Variants in STRN observed in about 807,000 individuals in gnomAD.
STRN encodes protein phosphatase 2 regulatory subunit B'''alpha.
In STRN, 53 loss-of-function variants were observed where a neutral mutation model predicts 96.3. The observed-to-expected ratio is 0.55, with a 90% confidence interval of 0.44 to 0.69. The LOEUF is 0.69. Among genes scored for constraint, STRN ranks in the 30% least tolerant of loss-of-function variants. The pLI is 0.00. For synonymous variants in STRN, 428 were observed against 355.9 expected (o/e 1.20, Z -2.28); for missense variants, 987 against 963.9 (o/e 1.02, Z -0.32).
At chr2:36,882,584 T>C (rs547732053) in intron 9 of STRN, among the ~76,000 whole-genome samples, 1 of 152,218 alleles carries the variant, frequency 6.6e-6, no homozygotes, top group East Asian at 1.9e-4. Context: ...CTGAACAACA[T>C]GGCAAAACCA....
chr2:36,877,986 T>C lies in STRN; in HGVS notation c.1228A>G (p.Ile410Val), dbSNP rs779456251. ...TCAAGGGCTTCATCTGCTCCCATGA[T>C]GAATGACTTTCCAGAAGAAGGAGGA... ...TFPPSSGKSF[I>V]MGADEALESE... Residue 410 changes from isoleucine (I) to valine (V), a missense_variant, in exon 10 of 18, where the codon ATC (isoleucine) becomes GTC (valine). By Grantham distance (29) the Ile-to-Val change is conservative. Coordinates refer to ENST00000263918, the MANE Select transcript of STRN (RefSeq NM_003162.4). 8.7e-6 allele frequency: 14 copies of C among 1,614,178 alleles called. No homozygotes were observed. The highest frequency in any genetic ancestry group is 4.5e-5 in the East Asian group (2 of 44,884).
At chr2:36,906,538 C>A (rs74418592) in intron 3 of STRN, among the ~76,000 whole-genome samples, 7,355 of 151,926 alleles carry the variant, frequency 0.048, 538 homozygotes, top group African/African-American at 0.16. Flanking sequence ...GAACAAAATA[C>A]TGAGGAATGA....
chr2:36,895,558 A>C (rs1334328542), intron 6 of STRN, among the ~76,000 whole-genome samples: 2 of 152,056 alleles, frequency 1.3e-5, no homozygotes, highest in East Asian at 3.9e-4. Flanking sequence ...TCTTTTATAA[A>C]TACAAACCAT....
intron 7 of STRN, 44 bp from the exon 8 acceptor site, chr2:36,886,870 A>G: frequency 6.6e-7 from 1 of 1,505,514 alleles, no homozygotes; most frequent in Non-Finnish European, 9.2e-7. Context: ...TCAATAAAAT[A>G]TTGAACACTC....
At chr2:36,879,037 G>A (rs941727455) in intron 9 of STRN, among the ~76,000 whole-genome samples, 7 of 151,716 alleles carry the variant, frequency 4.6e-5, no homozygotes, top group African/African-American at 1.5e-4. Flanking sequence ...ACAGGCATGA[G>A]CCACTGCACC....
intron 4 of STRN, among the ~76,000 whole-genome samples, chr2:36,905,161 G>A (rs1013639663): frequency 1.3e-5 from 2 of 152,036 alleles, no homozygotes; most frequent in African/African-American, 4.8e-5. Context: ...TAGAGATGGA[G>A]TTTCACCATG....
chr2:36,873,393 C>T (rs927902000), intron 10 of STRN, among the ~76,000 whole-genome samples: 2 of 152,080 alleles, frequency 1.3e-5, no homozygotes, highest in African/African-American at 4.8e-5. Context: ...TCCAATTCAA[C>T]TTTAAAATAA....
chr2:36,847,766 G>C lies in STRN; in HGVS notation c.*1690C>G, dbSNP rs1436462337. On this transcript the variant is annotated 3_prime_UTR_variant, in exon 18 of 18. Coordinates refer to ENST00000263918, the MANE Select transcript of STRN (RefSeq NM_003162.4). Reference sequence around the variant, plus strand: ...TTACAGAAATATTTGTCAATCATTAGCCACACCACCACCAGAATACTTTTT... The same window carrying C: ...TTACAGAAATATTTGTCAATCATTACCCACACCACCACCAGAATACTTTTT... 2.6e-5 allele frequency: 4 copies of C among 152,086 alleles called. No homozygotes were observed. Among genetic ancestry groups the C allele is most frequent in the African/African-American group, 9.7e-5 (4 of 41,414 alleles). 9.4% of individuals were successfully genotyped at this position (152,086 alleles called of 1,614,324 possible). A position where few individuals can be genotyped will look rare whatever the true frequency, so the allele number is the denominator to read the frequency against.
intron 3 of STRN, among the ~76,000 whole-genome samples, chr2:36,913,489 T>G (rs1424470267): frequency 6.6e-6 from 1 of 152,216 alleles, no homozygotes; most frequent in Non-Finnish European, 1.5e-5. Context: ...GATGTCAAAA[T>G]TAAACATCAC....
chr2:36,893,200 T>C (rs563059651), intron 7 of STRN, among the ~76,000 whole-genome samples: 1 of 152,328 alleles, frequency 6.6e-6, no homozygotes, highest in South Asian at 2.1e-4. Context: ...TTAATGCCTG[T>C]ATAAAAAGTC....
rs1394736670 is a variant in STRN, at chr2:36,845,057, AATG to A, written c.*4396_*4398del. ...AGGCAACTTCTGAGTAAATAAAATG[AATG>A]ATTATGTACTTAATAGCCTTGTAGT... On this transcript the variant is annotated 3_prime_UTR_variant, in exon 18 of 18. Transcript: ENST00000263918. 6 of 152,176 alleles carry A rather than the reference AATG, an allele frequency of 3.9e-5. No homozygotes were observed. Among genetic ancestry groups the A allele is most frequent in the Non-Finnish European group, 7.3e-5 (5 of 68,030 alleles). The allele number at this position is 152,176 out of a possible 1,614,324, so 9.4% of individuals were successfully genotyped here. A position where few individuals can be genotyped will look rare whatever the true frequency, so the allele number is the denominator to read the frequency against.
In STRN at chr2:36,871,986, G is replaced by A. The variant is rs145219238; in HGVS notation, c.1324-2257C>T. Among the ~76,000 whole-genome samples the A allele has an allele frequency of 3.9e-5, 6 of 152,336 alleles. No homozygotes were observed. The East Asian group carries it at 7.7e-4, about 20-fold the overall frequency. On this transcript the variant is annotated intron_variant, in intron 10 of 17. Transcript: ENST00000263918. ...ACTGGGGCTGGTTATTCTGGAAGAA[G>A]AAAAGCTGAGTTGAATCATGTCTGC...
intron 3 of STRN, among the ~76,000 whole-genome samples, chr2:36,906,048 T>C (rs1180598089): frequency 6.6e-6 from 1 of 152,180 alleles, no homozygotes; most frequent in Non-Finnish European, 1.5e-5. Context: ...AAAGGATAAA[T>C]GCTTCAGGGG....
chr2:36,858,767 T>A (rs1023589141), intron 13 of STRN, among the ~76,000 whole-genome samples: 1 of 152,210 alleles, frequency 6.6e-6, no homozygotes, highest in African/African-American at 2.4e-5. Flanking sequence ...CCATAAAATA[T>A]TGAAGACACA....
intron 2 of STRN, among the ~76,000 whole-genome samples, chr2:36,922,214 G>A (rs111584785): frequency 6.6e-6 from 1 of 152,066 alleles, no homozygotes; most frequent in Non-Finnish European, 1.5e-5. Flanking sequence ...TCTATTAGAG[G>A]TCATTTTAGA....
chr2:36,950,553 A>G (rs1339513075), intron 1 of STRN, among the ~76,000 whole-genome samples: 1 of 152,206 alleles, frequency 6.6e-6, no homozygotes, highest in Non-Finnish European at 1.5e-5. Context: ...GACCATTGGC[A>G]TAATGGACTC....
chr2:36,870,189 A>T (rs1303407517), intron 10 of STRN, among the ~76,000 whole-genome samples: 2 of 152,138 alleles, frequency 1.3e-5, no homozygotes, highest in Non-Finnish European at 2.9e-5. Context: ...CAAAGTTTAT[A>T]AACTGGAAAC....
intron 3 of STRN, among the ~76,000 whole-genome samples, chr2:36,915,178 C>G (rs1327969772): frequency 7.6e-6 from 1 of 131,294 alleles, no homozygotes; most frequent in African/African-American, 2.8e-5. Flanking sequence ...GGCTGGGTGA[C>G]AGAGCAAGAC....
At chr2:36,946,739 T>G (rs960609886) in intron 1 of STRN, among the ~76,000 whole-genome samples, 3 of 152,202 alleles carry the variant, frequency 2.0e-5, no homozygotes, top group African/African-American at 7.2e-5. Context: ...AAATCATTTC[T>G]TCTAACGTAA....
Sources: gnomAD v4.1 joint callset for allele counts (sites outside exome capture counted in the v4.1 genomes callset) on GRCh38, gnomAD v4.1.1 for gene constraint, MANE v1.5 for transcripts, NCBI Gene and HGNC (gene_info 2026-07-23, HGNC 2026-07-21) for gene names.